PRELID2: variants seen among roughly 807,000 people sequenced by gnomAD.
PRELID2 encodes PRELI domain containing 2, also known as PRELI domain-containing protein 2.
In PRELID2, 25 loss-of-function variants were observed where a neutral mutation model predicts 28.4. That is an observed-to-expected ratio of 0.88 (90% CI 0.64 to 1.23). The LOEUF (loss-of-function observed/expected upper bound fraction) is 1.23, where lower values mean the gene tolerates loss of function less well. Among genes scored for constraint, PRELID2 ranks in the 50% most tolerant of loss-of-function variants. The probability of loss-of-function intolerance (pLI) is 0.00; values close to 1 mark genes in which losing one functional copy is unlikely to be tolerated. For missense variants in PRELID2, 201 were observed against 214.4 expected, an observed-to-expected ratio of 0.94 and a Z score of 0.39; for synonymous variants, 76 against 71.6, an observed-to-expected ratio of 1.06 and a Z score of -0.31.
the PRELID2 span, among the ~76,000 whole-genome samples, chr5:145,427,026 G>A: frequency 1.3e-5 from 2 of 152,100 alleles, no homozygotes; most frequent in Non-Finnish European, 2.9e-5. Flanking sequence ...ATCATAATTG[G>A]ACAAGGTACA....
chr5:145,346,904 T>C, the PRELID2 span, among the ~76,000 whole-genome samples: 1 of 152,150 alleles, frequency 6.6e-6, no homozygotes, highest in African/African-American at 2.4e-5. Flanking sequence ...ATAAATTAAC[T>C]GTGAGCATCC....
chr5:145,569,429 C>T (rs28536780), intron 1 of PRELID2, among the ~76,000 whole-genome samples: 5,597 of 152,226 alleles, frequency 0.037, 213 homozygotes, highest in African/African-American at 0.092. Context: ...TTTTTCATTT[C>T]TGCCTTCTCT....
rs192068276 is a variant in PRELID2, at chr5:145,728,634, C to T, written n.70+36297G>A. ...CACTGTAACATTATAGACTCCATAA[C>T]GAACATAACCAATATTTTCAATGAA... On this transcript the variant is annotated intron_variant and non_coding_transcript_variant, in intron 1 of 2. Transcript: ENST00000510259. 809 of 1,259,174 alleles carry T rather than the reference C, an allele frequency of 6.4e-4. 3 individuals carry two copies. In the African/African-American group the frequency reaches 9.1e-3, roughly 14 times the overall value. The allele number at this position is 1,259,174 out of a possible 1,614,324, so 78.0% of individuals were successfully genotyped here. A position where few individuals can be genotyped will look rare whatever the true frequency, so the allele number is the denominator to read the frequency against.
At chr5:145,257,231 A>G in the PRELID2 span, among the ~76,000 whole-genome samples, 1 of 150,330 alleles carries the variant, frequency 6.7e-6, no homozygotes, top group Non-Finnish European at 1.5e-5. Context: ...AAAAGAGTAC[A>G]TGAGTCAGCA....
intron 1 of PRELID2, among the ~76,000 whole-genome samples, chr5:145,610,030 G>C (rs1048997378): frequency 7.2e-5 from 11 of 152,344 alleles, no homozygotes; most frequent in Admixed American, 7.2e-4. Flanking sequence ...TAGAGGTCCT[G>C]CTGGACTGGA....
chr5:145,626,711 G>C (rs991269442), intron 1 of PRELID2, among the ~76,000 whole-genome samples: 1 of 152,086 alleles, frequency 6.6e-6, no homozygotes, highest in African/African-American at 2.4e-5. Flanking sequence ...ATCAAAAAAA[G>C]ATACCTGCAC....
downstream of PRELID2, chr5:145,754,202 C>T (rs1322721648): frequency 6.6e-6 from 1 of 152,228 alleles, no homozygotes; most frequent in Non-Finnish European, 1.5e-5. Flanking sequence ...GCCAGCTCCA[C>T]CCTTCTGTAT....
At chr5:145,370,668 G>A in the PRELID2 span, among the ~76,000 whole-genome samples, 1 of 152,086 alleles carries the variant, frequency 6.6e-6, no homozygotes, top group African/African-American at 2.4e-5. Context: ...AATGTCTATG[G>A]TAGTTTAATG....
intron 1 of PRELID2, among the ~76,000 whole-genome samples, chr5:145,543,472 C>T (rs1580972975): frequency 6.6e-6 from 1 of 151,978 alleles, no homozygotes; most frequent in African/African-American, 2.4e-5. Flanking sequence ...GACTGGCAAG[C>T]CCTTTTTTTG....
chr5:145,400,866 C>T, the PRELID2 span, among the ~76,000 whole-genome samples: 1 of 152,184 alleles, frequency 6.6e-6, no homozygotes, highest in Non-Finnish European at 1.5e-5. Context: ...TCAAAGAAAA[C>T]ATTAGGGCTA....
At chr5:145,805,945 A>C (rs1000819506) in intron 4 of PRELID2, among the ~76,000 whole-genome samples, 4 of 152,204 alleles carry the variant, frequency 2.6e-5, no homozygotes, top group African/African-American at 9.7e-5. Context: ...CCATGTATAT[A>C]CCGTTTATAC....
chr5:145,728,081 A>T (rs1374111248), intron 1 of PRELID2, among the ~76,000 whole-genome samples: 2 of 152,154 alleles, frequency 1.3e-5, no homozygotes, highest in Non-Finnish European at 2.9e-5. Flanking sequence ...CTGTCCCTGC[A>T]AATCTCTGCT....
the PRELID2 span, among the ~76,000 whole-genome samples, chr5:145,411,673 C>T: frequency 1.1e-4 from 17 of 152,186 alleles, no homozygotes; most frequent in South Asian, 2.1e-4. Flanking sequence ...CTCCTTCTCA[C>T]GCTCTACTAG....
chr5:145,634,316 C>G (rs552555666), intron 1 of PRELID2, among the ~76,000 whole-genome samples: 1 of 152,062 alleles, frequency 6.6e-6, no homozygotes, highest in African/African-American at 2.4e-5. Context: ...AACACTGCTG[C>G]AAATTCTCTC....
chr5:145,570,263 C>T (rs1753004977), intron 1 of PRELID2, among the ~76,000 whole-genome samples: 1 of 152,070 alleles, frequency 6.6e-6, no homozygotes, highest in African/African-American at 2.4e-5. Flanking sequence ...TTAGGGGACA[C>T]AATCCAACCC....
intron 1 of PRELID2, among the ~76,000 whole-genome samples, chr5:145,537,066 G>C (rs1441403001): frequency 6.6e-6 from 1 of 151,778 alleles, no homozygotes; most frequent in Admixed American, 6.6e-5. Context: ...AAATCAACTA[G>C]AATCCCGTCT....
At chr5:145,556,193 A>AG (rs1429329651) in intron 1 of PRELID2, among the ~76,000 whole-genome samples, 2,415 of 150,018 alleles carry the variant, frequency 0.016, 56 homozygotes, top group African/African-American at 0.058. Flanking sequence ...AAAAAAAAAA[A>AG]AAAAGAAAAG....
At chr5:145,673,261 A>C (rs951421070) in intron 1 of PRELID2, among the ~76,000 whole-genome samples, 1 of 152,182 alleles carries the variant, frequency 6.6e-6, no homozygotes, top group Non-Finnish European at 1.5e-5. Flanking sequence ...TTTAGGTATT[A>C]ACTGCAGCAA....
chr5:145,453,411 A>T, the PRELID2 span, among the ~76,000 whole-genome samples: 5 of 151,892 alleles, frequency 3.3e-5, no homozygotes, highest in East Asian at 5.8e-4. Context: ...AGTTCACTCT[A>T]CTCTCCTGCT....
Sources: gnomAD v4.1 joint callset for allele counts (sites outside exome capture counted in the v4.1 genomes callset) on GRCh38, gnomAD v4.1.1 for gene constraint, MANE v1.5 for transcripts, NCBI Gene and HGNC (gene_info 2026-07-23, HGNC 2026-07-21) for gene names.